Variants in CACNG5 observed in about 807,000 individuals in gnomAD.
CACNG5 encodes calcium voltage-gated channel auxiliary subunit gamma 5.
CACNG5 carries 18 observed loss-of-function variants against 24.8 expected under a neutral mutation model. That is an observed-to-expected ratio of 0.73 (90% CI 0.50 to 1.08). CACNG5 has a LOEUF of 1.08. CACNG5 is among the 50% of genes least tolerant of loss of function. The pLI, the probability that CACNG5 is intolerant of heterozygous loss-of-function variation, is 0.00. For missense variants in CACNG5, 349 were observed against 367.9 expected, an observed-to-expected ratio of 0.95 and a Z score of 0.42; for synonymous variants, 157 against 149.1, an observed-to-expected ratio of 1.05 and a Z score of -0.39.
intron 1 of CACNG5, among the ~76,000 whole-genome samples, chr17:66,862,892 C>CTCTCTGTG (rs567913804): frequency 0.011 from 1,501 of 142,246 alleles, 16 homozygotes; most frequent in Admixed American, 0.013. Flanking sequence ...AGCATATTCT[C>CTCTCTGTG]TGTGTGTGTG....
chr17:66,837,086 C>T (rs58193564), intron 1 of CACNG5, among the ~76,000 whole-genome samples: 2,370 of 152,318 alleles, frequency 0.016, 73 homozygotes, highest in African/African-American at 0.054. Flanking sequence ...TAAGATGGGT[C>T]TGGCAGGGGG....
Position 66,889,393 on chromosome 17 carries a change from G to T in CACNG5, c.*4153G>T, listed in dbSNP as rs980762835. ...GGGGCGTGGGGGAAATCCATAGGTT[G>T]CCACAGGCTTATCAGTGATGTCCCT... On this transcript the variant is annotated 3_prime_UTR_variant, in exon 6 of 6. Transcript: ENST00000533854. 1.3e-5 allele frequency among the ~76,000 whole-genome samples: 2 copies of T among 152,182 alleles called. No homozygotes were observed. The highest frequency in any genetic ancestry group is 6.5e-5 in the Admixed American group (1 of 15,290).
intron 1 of CACNG5, among the ~76,000 whole-genome samples, chr17:66,845,671 C>A (rs1006229389): frequency 6.6e-6 from 1 of 152,078 alleles, no homozygotes; most frequent in Non-Finnish European, 1.5e-5. Flanking sequence ...CCCACTAGAC[C>A]AGGGGATCAC....
intron 1 of CACNG5, among the ~76,000 whole-genome samples, chr17:66,836,523 AC>A (rs1374843023): frequency 6.6e-6 from 1 of 152,124 alleles, no homozygotes; most frequent in Non-Finnish European, 1.5e-5. Context: ...CTCTTTGCAG[AC>A]CCTGTAGCCA....
Position 66,890,231 on chromosome 17 carries a change from A to T in CACNG5, c.*4991A>T, listed in dbSNP as rs1168016355. Among the ~76,000 whole-genome samples the T allele has an allele frequency of 2.0e-5, 3 of 152,018 alleles. No homozygotes were observed. The highest frequency in any genetic ancestry group is 4.4e-5 in the Non-Finnish European group (3 of 67,910). On this transcript the variant is annotated 3_prime_UTR_variant, in exon 6 of 6. Transcript: ENST00000533854. ...CTGTGAGTGTGGGTTCATCCATGGTAGCAGTGGCTGCTCCAGTGTGCCATA... is the reference window on the plus strand; with the variant it reads ...CTGTGAGTGTGGGTTCATCCATGGTTGCAGTGGCTGCTCCAGTGTGCCATA...
intron 1 of CACNG5, among the ~76,000 whole-genome samples, chr17:66,840,400 G>A (rs1976549967): frequency 6.6e-6 from 1 of 152,200 alleles, no homozygotes; most frequent in Admixed American, 6.5e-5. Context: ...TTCAGGGCCA[G>A]TCTGCTGGGT....
At chr17:66,838,288 C>G (rs1976511169) in intron 1 of CACNG5, among the ~76,000 whole-genome samples, 2 of 151,828 alleles carry the variant, frequency 1.3e-5, no homozygotes, top group South Asian at 4.2e-4. Flanking sequence ...CCATGAGTTT[C>G]CTGGGCTGAG....
At chr17:66,852,141 T>C (rs1275360086) in intron 1 of CACNG5, among the ~76,000 whole-genome samples, 1 of 152,244 alleles carries the variant, frequency 6.6e-6, no homozygotes, top group Admixed American at 6.5e-5. Flanking sequence ...TCTTCTGCCC[T>C]TGGACATCAG....
rs918046939 is a variant in CACNG5, at chr17:66,878,831, C to T, written c.197-141C>T. 9.0e-6 allele frequency: 6 copies of T among 668,228 alleles called. No individual in the cohort carries two copies. In the African/African-American group the frequency reaches 1.1e-4, roughly 12 times the overall value. The allele number at this position is 668,228 out of a possible 1,614,324, so 41.4% of individuals were successfully genotyped here. Reference sequence around the variant, plus strand: ...GGGCTATGAGCCAGGGACAGGACCCCCATAGGGTTTGGATCCAGCTCAGGT... The same window carrying T: ...GGGCTATGAGCCAGGGACAGGACCCTCATAGGGTTTGGATCCAGCTCAGGT... On this transcript the variant is annotated intron_variant, in intron 2 of 5. Coordinates refer to ENST00000533854, the MANE Select transcript of CACNG5 (RefSeq NM_145811.3).
intron 1 of CACNG5, among the ~76,000 whole-genome samples, chr17:66,865,138 A>G (rs1976912271): frequency 6.6e-6 from 1 of 152,062 alleles, no homozygotes; most frequent in Admixed American, 6.5e-5. Flanking sequence ...ATAGTTTACC[A>G]TTTTGTTACT....
In CACNG5 at chr17:66,890,062, T is replaced by A. The variant is rs141614901; in HGVS notation, c.*4822T>A. Among the ~76,000 whole-genome samples, 118 of 152,312 alleles carry A rather than the reference T, an allele frequency of 7.7e-4. No homozygotes were observed. Among genetic ancestry groups the A allele is most frequent in the African/African-American group, 2.6e-3 (110 of 41,566 alleles). On this transcript the variant is annotated 3_prime_UTR_variant, in exon 6 of 6. Coordinates refer to ENST00000533854, the MANE Select transcript of CACNG5 (RefSeq NM_145811.3). The stretch of plus-strand genomic sequence containing the variant: ...CCAAGTCTTGACTTTCTCCCCACAC[T>A]CAGTGAACCACTTTCATATGCTCGT...
chr17:66,850,061 G>C (rs1976693451), intron 1 of CACNG5, among the ~76,000 whole-genome samples: 1 of 152,180 alleles, frequency 6.6e-6, no homozygotes, highest in Non-Finnish European at 1.5e-5. Context: ...AGATCACAAA[G>C]GGGTCAGGAG....
At chr17:66,837,868 G>T (rs915412912) in intron 1 of CACNG5, among the ~76,000 whole-genome samples, 1 of 151,916 alleles carries the variant, frequency 6.6e-6, no homozygotes, top group Non-Finnish European at 1.5e-5. Context: ...AGAAGGAGAG[G>T]CTTGGGGCGA....
Position 66,890,145 on chromosome 17 carries a change from G to A in CACNG5, c.*4905G>A, listed in dbSNP as rs546876018. On this transcript the variant is annotated 3_prime_UTR_variant, in exon 6 of 6. Transcript: ENST00000533854. The stretch of plus-strand genomic sequence containing the variant: ...ACAGCACTCTGCCTAGGGAGTAGGT[G>A]CACAGGTGGATGGATGAGTGGATTC... Among the ~76,000 whole-genome samples the A allele has an allele frequency of 4.2e-4, 64 of 152,346 alleles. No homozygotes were observed. Among genetic ancestry groups the A allele is most frequent in the Non-Finnish European group, 6.6e-4 (45 of 68,036 alleles).
At chr17:66,884,770 C>A in intron 5 of CACNG5, 109 bp downstream of exon 5, 1 of 1,613,594 alleles carries the variant, frequency 6.2e-7, no homozygotes. Flanking sequence ...ATTTTGGACC[C>A]CGGACCACCC....
chr17:66,842,159 G>GA (rs1223219669), intron 1 of CACNG5, among the ~76,000 whole-genome samples: 1 of 152,182 alleles, frequency 6.6e-6, no homozygotes, highest in African/African-American at 2.4e-5. Flanking sequence ...GGAGGCCTGT[G>GA]AAATATAAAA....
intron 1 of CACNG5, 97 bp downstream of exon 1, chr17:66,835,347 G>GC (rs966216976): frequency 1.3e-5 from 2 of 152,514 alleles, no homozygotes; most frequent in African/African-American, 2.4e-5. Flanking sequence ...GCGCCGGGCT[G>GC]CGCCCCCATG....
chr17:66,836,878 A>T (rs1976487992), intron 1 of CACNG5, among the ~76,000 whole-genome samples: 2 of 152,180 alleles, frequency 1.3e-5, no homozygotes, highest in Non-Finnish European at 2.9e-5. Flanking sequence ...CACTTGAGGG[A>T]GCTCAGCCAT....
rs140013380 is a variant in CACNG5, at chr17:66,860,386, C to G, written c.-103-16844C>G. 1.1e-4 allele frequency among the ~76,000 whole-genome samples: 17 copies of G among 152,122 alleles called. 1 individual carries two copies. Among genetic ancestry groups the G allele is most frequent in the African/African-American group, 3.9e-4 (16 of 41,460 alleles). Reference sequence around the variant, plus strand: ...AGACAAAGATAAAATCTTGAAAGCTCGGAGAGAAATGTGGTTCATCACACA... The same window carrying G: ...AGACAAAGATAAAATCTTGAAAGCTGGGAGAGAAATGTGGTTCATCACACA... On this transcript the variant is annotated intron_variant, in intron 1 of 5. Transcript: ENST00000533854.
Sources: allele counts gnomAD v4.1 joint callset (sites outside exome capture counted in the v4.1 genomes callset), GRCh38; gene constraint gnomAD v4.1.1; transcripts MANE v1.5; gene names NCBI Gene and HGNC (gene_info 2026-07-23, HGNC 2026-07-21).